PDE10A: variants seen among roughly 807,000 people sequenced by gnomAD.
The protein encoded by PDE10A is cAMP and cAMP-inhibited cGMP 3',5'-cyclic phosphodiesterase 10A.
Under a neutral mutation model 97.7 loss-of-function variants are expected in PDE10A, and 39 were observed. That is an observed-to-expected ratio of 0.40 (90% CI 0.31 to 0.52). PDE10A has a LOEUF of 0.52. Ranked by LOEUF, PDE10A falls within the 20% of genes least tolerant of loss-of-function variation. The pLI is 0.56. For missense variants in PDE10A, 731 were observed against 1,047.8 expected, an observed-to-expected ratio of 0.70 and a Z score of 4.17; for synonymous variants, 371 against 376.8, an observed-to-expected ratio of 0.98 and a Z score of 0.18.
At position 165,484,268 on chromosome 6, in the gene PDE10A, G is replaced by C. The variant is rs917627520; in HGVS notation, c.995-1925C>G. On this transcript the variant is annotated intron_variant, in intron 2 of 21. Transcript: ENST00000539869. ...AAACTTTACTTTCTCTTCTAGAGTA[G>C]AGTTGCACTGTGGGAACACATATGA... is the stretch of plus-strand genomic sequence containing the variant. 3.3e-5 allele frequency among the ~76,000 whole-genome samples: 5 copies of C among 152,224 alleles called. No homozygotes were observed. The East Asian group carries it at 7.7e-4, about 23-fold the overall frequency.
At chr6:165,628,204 G>C (rs1190802645) in intron 1 of PDE10A, among the ~76,000 whole-genome samples, 3 of 152,144 alleles carry the variant, frequency 2.0e-5, no homozygotes, top group Non-Finnish European at 2.9e-5. Flanking sequence ...TAATTTCTCT[G>C]ACATGTATTT....
chr6:165,854,790 C>G (rs1003700950), intron 1 of PDE10A, among the ~76,000 whole-genome samples: 1 of 152,138 alleles, frequency 6.6e-6, no homozygotes, highest in Non-Finnish European at 1.5e-5. Context: ...ACTGGAGGAG[C>G]GCAGGGCGCG....
At chr6:165,682,654 G>T (rs1791008611) in intron 1 of PDE10A, among the ~76,000 whole-genome samples, 1 of 151,916 alleles carries the variant, frequency 6.6e-6, no homozygotes, top group African/African-American at 2.4e-5. Context: ...CACCAAATCT[G>T]CCAGCCCCTT....
rs147735563 is a variant in PDE10A at position 165,644,912 on chromosome 6, A to C, written c.865+17035T>G. On this transcript the variant is annotated intron_variant, in intron 1 of 21. Transcript: ENST00000539869. ...ACGTTGATCTCCAGGAAATCTGGGA[A>C]CTTTAAAAATTAATGAGTGCTTTTT... is the stretch of plus-strand genomic sequence containing the variant. Among the ~76,000 whole-genome samples, 15 of 152,340 alleles carry C rather than the reference A, an allele frequency of 9.8e-5. No homozygotes were observed. The East Asian group carries it at 1.9e-3, about 20-fold the overall frequency.
chr6:165,405,091 A>T (rs1035717795), intron 13 of PDE10A, among the ~76,000 whole-genome samples: 6 of 152,178 alleles, frequency 3.9e-5, no homozygotes, highest in Admixed American at 3.3e-4. Context: ...AAATTAAAAA[A>T]AAAATGTGTG....
intron 1 of PDE10A, among the ~76,000 whole-genome samples, chr6:165,890,348 T>C (rs9365935): frequency 0.16 from 23,819 of 152,052 alleles, 2,052 homozygotes; most frequent in East Asian, 0.25. Flanking sequence ...GCATTTACTT[T>C]TTTAAGATGG....
At chr6:165,904,287 A>G (rs1462994341) in intron 1 of PDE10A, among the ~76,000 whole-genome samples, 1 of 152,152 alleles carries the variant, frequency 6.6e-6, no homozygotes, top group Non-Finnish European at 1.5e-5. Flanking sequence ...GGGTGAGGCC[A>G]TTGCATCTGC....
intron 1 of PDE10A, among the ~76,000 whole-genome samples, chr6:165,782,663 A>G (rs997846145): frequency 2.0e-5 from 3 of 152,208 alleles, no homozygotes; most frequent in Non-Finnish European, 4.4e-5. Context: ...TCCATGTATA[A>G]CGTAGTATTC....
chr6:165,500,844 C>A (rs1042075605), intron 2 of PDE10A, among the ~76,000 whole-genome samples: 1 of 152,142 alleles, frequency 6.6e-6, no homozygotes, highest in East Asian at 1.9e-4. Context: ...AGGAGAAAAC[C>A]GCCTTAGGGC....
chr6:165,551,762 T>A (rs1284982866), intron 1 of PDE10A, among the ~76,000 whole-genome samples: 1 of 152,228 alleles, frequency 6.6e-6, no homozygotes. Context: ...TACACGTTTT[T>A]ACCTCAAATT....
intron 1 of PDE10A, among the ~76,000 whole-genome samples, chr6:165,827,348 G>A (rs1234188174): frequency 1.3e-5 from 2 of 152,218 alleles, no homozygotes; most frequent in Admixed American, 6.5e-5. Flanking sequence ...GACCTGTGCG[G>A]GGACAGGAGG....
intron 1 of PDE10A, among the ~76,000 whole-genome samples, chr6:165,872,505 G>C (rs560985968): frequency 6.6e-6 from 1 of 152,172 alleles, no homozygotes; most frequent in Admixed American, 6.5e-5. Context: ...TGCAGTGTGG[G>C]GGGAATTGTC....
chr6:165,497,529 G>A (rs906379448), intron 2 of PDE10A, among the ~76,000 whole-genome samples: 20 of 151,932 alleles, frequency 1.3e-4, no homozygotes, highest in African/African-American at 4.8e-4. Flanking sequence ...ATATAAATTG[G>A]ATTTGACTTA....
intron 1 of PDE10A, among the ~76,000 whole-genome samples, chr6:165,959,580 CT>C (rs2128497867): frequency 1.3e-5 from 2 of 152,298 alleles, no homozygotes; most frequent in East Asian, 3.9e-4. Context: ...TGGAAGTCAG[CT>C]TAAAAACTGT....
chr6:165,673,738 A>G (rs952063234), intron 1 of PDE10A, among the ~76,000 whole-genome samples: 7 of 152,232 alleles, frequency 4.6e-5, no homozygotes, highest in Non-Finnish European at 4.4e-5. Context: ...ATTTCTGCCA[A>G]TACAGAGTTT....
intron 16 of PDE10A, among the ~76,000 whole-genome samples, chr6:165,391,784 T>G (rs1442676608): frequency 6.6e-6 from 1 of 152,188 alleles, no homozygotes; most frequent in Admixed American, 6.5e-5. Context: ...TTTGGTCCAA[T>G]AGGATGGAAA....
At chr6:165,517,596 G>A (rs1042096510) in intron 2 of PDE10A, among the ~76,000 whole-genome samples, 3 of 152,130 alleles carry the variant, frequency 2.0e-5, no homozygotes, top group Non-Finnish European at 2.9e-5. Flanking sequence ...ACACACAATT[G>A]GTACAGACAG....
rs113294202 is a variant in PDE10A at position 165,826,368 on chromosome 6, T to C, written c.-615+161161A>G. ...CCTGTGTCCCCGTGTCCCTCTGTCC[T>C]TGCATCCCTCTGTCCTCATGTCCCT... On this transcript the variant is annotated intron_variant, in intron 1 of 19. Coordinates refer to the PDE10A transcript ENST00000366882. Among the ~76,000 whole-genome samples, 271 of 129,844 alleles carry C rather than the reference T, an allele frequency of 2.1e-3. 2 individuals are homozygous for C. Among genetic ancestry groups the C allele is most frequent in the African/African-American group, 6.7e-3 (257 of 38,412 alleles). 85.2% of individuals were successfully genotyped at this position (129,844 alleles called of 152,430 possible). A position where few individuals can be genotyped will look rare whatever the true frequency, so the allele number is the denominator to read the frequency against.
intron 10 of PDE10A, among the ~76,000 whole-genome samples, chr6:165,423,062 T>C (rs1318507100): frequency 1.3e-5 from 2 of 152,186 alleles, no homozygotes; most frequent in Admixed American, 6.5e-5. Context: ...AGACGACAGC[T>C]GTCAGGGCTA....
Sources: allele counts gnomAD v4.1 joint callset (sites outside exome capture counted in the v4.1 genomes callset), GRCh38; gene constraint gnomAD v4.1.1; transcripts MANE v1.5; gene names NCBI Gene and HGNC (gene_info 2026-07-23, HGNC 2026-07-21).